The following CERT1 variants were observed in gnomAD, a reference collection of about 807,000 sequenced individuals.
CERT1 encodes ceramide transporter 1, also known as ceramide transfer protein.
In CERT1, 31 loss-of-function variants were observed where a neutral mutation model predicts 87.9. That is an observed-to-expected ratio of 0.35 (90% confidence interval 0.27 to 0.48). The LOEUF is 0.48. CERT1 is among the 20% of genes least tolerant of loss of function. The pLI, the probability that CERT1 is intolerant of heterozygous loss-of-function variation, is 0.99. For synonymous variants in CERT1, 289 were observed against 250.9 expected, an observed-to-expected ratio of 1.15 and a Z score of -1.44; for missense variants, 487 against 758.0, an observed-to-expected ratio of 0.64 and a Z score of 4.20.
At chr5:75,406,542 C>CT (rs869232885) in intron 8 of CERT1, among the ~76,000 whole-genome samples, 2,803 of 139,366 alleles carry the variant, frequency 0.02, 64 homozygotes, top group African/African-American at 0.056. Flanking sequence ...TATGGTAAGT[C>CT]TTTTTTTTTT....
intron 15 of CERT1, 136 bp downstream of exon 15, chr5:75,381,813 C>T: frequency 1.3e-6 from 1 of 799,838 alleles, no homozygotes; most frequent in Non-Finnish European, 2.0e-6. Context: ...CTGTTCCTAG[C>T]AGTCAATCCA....
chr5:75,492,453 G>T (rs1003543992), intron 2 of CERT1, among the ~76,000 whole-genome samples: 1 of 152,152 alleles, frequency 6.6e-6, no homozygotes, highest in Non-Finnish European at 1.5e-5. Context: ...CTGTGGTTTA[G>T]TTGAGCCCAG....
chr5:75,425,647 C>A (rs1763585096), intron 4 of CERT1, 148 bp from the exon 5 acceptor site: 2 of 651,828 alleles, frequency 3.1e-6, no homozygotes, highest in Non-Finnish European at 4.9e-6. Flanking sequence ...TATAATACTT[C>A]TAGGAATAGG....
At chr5:75,391,778 C>A (rs537489757) in intron 11 of CERT1, among the ~76,000 whole-genome samples, 2 of 152,270 alleles carry the variant, frequency 1.3e-5, no homozygotes, top group East Asian at 3.9e-4. Context: ...CTCTTCAGAT[C>A]CCAAAATCTT....
intron 13 of CERT1, 119 bp from the exon 14 acceptor site, chr5:75,384,831 A>G (rs1761721583): frequency 3.2e-6 from 2 of 632,740 alleles, no homozygotes; most frequent in Non-Finnish European, 5.5e-6. Flanking sequence ...ATCCTGCCCT[A>G]TCTAGGTTAC....
chr5:75,486,539 G>T (rs1476142846), intron 2 of CERT1, among the ~76,000 whole-genome samples: 1 of 151,924 alleles, frequency 6.6e-6, no homozygotes, highest in Non-Finnish European at 1.5e-5. Context: ...GAATTGGAAA[G>T]AAAGAAATCA....
chr5:75,462,951 T>C (rs1272534083), intron 2 of CERT1, among the ~76,000 whole-genome samples: 2 of 130,592 alleles, frequency 1.5e-5, no homozygotes, highest in South Asian at 2.3e-4. Flanking sequence ...AAGATGGCGC[T>C]ACTGTACTCC....
chr5:75,471,633 C>A (rs953586819), intron 2 of CERT1, among the ~76,000 whole-genome samples: 13 of 151,694 alleles, frequency 8.6e-5, no homozygotes, highest in African/African-American at 2.9e-4. Context: ...GTGGCGCATG[C>A]CTGTAGTCCC....
intron 2 of CERT1, among the ~76,000 whole-genome samples, chr5:75,468,740 C>T (rs1765573883): frequency 6.6e-6 from 1 of 152,184 alleles, no homozygotes; most frequent in Admixed American, 6.5e-5. Context: ...AAGCCTAATG[C>T]TGTAACAGTT....
chr5:75,454,268 T>C (rs531152170), intron 3 of CERT1, among the ~76,000 whole-genome samples: 17 of 152,356 alleles, frequency 1.1e-4, no homozygotes, highest in Middle Eastern at 3.4e-3. Flanking sequence ...GCCACTTAGC[T>C]AGTATTAGTT....
At chr5:75,405,750 G>A (rs2112104300) in intron 8 of CERT1, among the ~76,000 whole-genome samples, 1 of 151,594 alleles carries the variant, frequency 6.6e-6, no homozygotes, top group East Asian at 1.9e-4. Flanking sequence ...TACTATAATT[G>A]TTCTATTTTA....
chr5:75,480,787 T>C (rs1766204648), intron 2 of CERT1, among the ~76,000 whole-genome samples: 2 of 152,192 alleles, frequency 1.3e-5, no homozygotes, highest in Non-Finnish European at 2.9e-5. Flanking sequence ...TCACACTCCA[T>C]AGGAATTCAT....
intron 8 of CERT1, among the ~76,000 whole-genome samples, chr5:75,406,023 A>C (rs781406200): frequency 1.6e-4 from 24 of 152,212 alleles, no homozygotes; most frequent in Non-Finnish European, 2.8e-4. Context: ...AAAAGTGTCC[A>C]AGTGCCCAGT....
At chr5:75,486,988 A>G (rs1766554045) in intron 2 of CERT1, among the ~76,000 whole-genome samples, 1 of 152,066 alleles carries the variant, frequency 6.6e-6, no homozygotes, top group Admixed American at 6.6e-5. Flanking sequence ...ACAATCCTAA[A>G]ATGTATACAG....
At chr5:75,484,184 T>C (rs1307126705) in intron 2 of CERT1, among the ~76,000 whole-genome samples, 1 of 151,886 alleles carries the variant, frequency 6.6e-6, no homozygotes, top group Non-Finnish European at 1.5e-5. Context: ...TAATGGCTTG[T>C]TATTTGAAAG....
chr5:75,504,847 G>T (rs1406949038), intron 2 of CERT1, among the ~76,000 whole-genome samples: 2 of 151,574 alleles, frequency 1.3e-5, no homozygotes, highest in Non-Finnish European at 2.9e-5. Flanking sequence ...CACTAGTTGG[G>T]TTACATGCTT....
intron 2 of CERT1, among the ~76,000 whole-genome samples, chr5:75,470,214 T>C (rs553801241): frequency 6.6e-6 from 1 of 152,294 alleles, no homozygotes; most frequent in East Asian, 1.9e-4. Context: ...GCCTAACACA[T>C]ATACACAGAA....
At chr5:75,377,257 A>T (rs996218950), downstream of CERT1, 7 of 152,230 alleles carry the variant, frequency 4.6e-5, no homozygotes, top group African/African-American at 1.4e-4. Flanking sequence ...CGTTGTATGA[A>T]AAACTGTGGG....
chr5:75,380,126 T>C (rs74695562), intron 16 of CERT1, among the ~76,000 whole-genome samples: 2 of 152,182 alleles, frequency 1.3e-5, no homozygotes, highest in Non-Finnish European at 2.9e-5. Flanking sequence ...CTAGCAGTTA[T>C]GGCCCTGTAT....
Sources: allele counts gnomAD v4.1 joint callset (sites outside exome capture counted in the v4.1 genomes callset), GRCh38; gene constraint gnomAD v4.1.1; transcripts MANE v1.5; gene names NCBI Gene and HGNC (gene_info 2026-07-23, HGNC 2026-07-21).